Variants in CDC42BPB observed in about 807,000 individuals in gnomAD.
The protein encoded by CDC42BPB is CDC42 binding protein kinase beta.
CDC42BPB carries 37 observed loss-of-function variants against 214.9 expected under a neutral mutation model. That is an observed-to-expected ratio of 0.17 (90% CI 0.13 to 0.23). The LOEUF (loss-of-function observed/expected upper bound fraction) is 0.23. CDC42BPB is among the 10% of genes least tolerant of loss of function. The probability of loss-of-function intolerance (pLI) is 1.00; values close to 1 mark genes in which losing one functional copy is unlikely to be tolerated. For synonymous variants in CDC42BPB, 931 were observed against 884.0 expected (o/e 1.05, Z -0.94); for missense variants, 1,694 against 2,227.0 (o/e 0.76, Z 4.82).
intron 24 of CDC42BPB, 118 bp downstream of exon 24, chr14:102,952,380 G>A: frequency 1.6e-6 from 1 of 638,660 alleles, no homozygotes; most frequent in South Asian, 1.9e-5. Flanking sequence ...TCATGCCAAT[G>A]ACATTTCACT....
chr14:102,947,795 C>T lies in CDC42BPB; in HGVS notation c.3457G>A (p.Glu1153Lys), dbSNP rs539521711. 1.4e-5 allele frequency: 22 copies of T among 1,612,536 alleles called. No individual in the cohort carries two copies. In the African/African-American group the frequency reaches 1.5e-4, roughly 11 times the overall value. The change falls in exon 27 of 37, where the codon GAG becomes AAG. Residue 1153 changes from glutamate (E) to lysine (K), a missense_variant. Physicochemically the swap from Glu to Lys is moderately conservative, Grantham distance 56. Transcript: ENST00000361246. ...GCCAGGACTGAGCTCACGGAAAACT[C>T]GTCATCTCTGGTAAGGAAGAAACAT... Reference protein sequence around the residue: ...ASQVLDLRDDEFSVSSVLASD... With the variant: ...ASQVLDLRDDKFSVSSVLASD...
At chr14:102,970,774 G>A (rs1310744725) in intron 13 of CDC42BPB, among the ~76,000 whole-genome samples, 1 of 151,986 alleles carries the variant, frequency 6.6e-6, no homozygotes, top group Non-Finnish European at 1.5e-5. Context: ...CCTCATTAGG[G>A]GTATCACTAA....
At chr14:102,975,591 C>T in intron 11 of CDC42BPB, 93 bp downstream of exon 11, 5 of 1,321,754 alleles carry the variant, frequency 3.8e-6, no homozygotes, top group Admixed American at 2.0e-5. Flanking sequence ...TTTTTTTCTG[C>T]TTTCCCACTT....
Position 102,966,348 on chromosome 14 carries a change from A to G in CDC42BPB, c.2511T>C (p.Ala837=). ...DEKDARGYLQ[A]LASKMTEELE... is the part of the protein sequence containing the mutation. ...GCTCTTCGGTCATCTTGGAAGCAAGAGCTTGAAGGTAACCCCGGGCATCTT... is the reference window on the plus strand; with the variant it reads ...GCTCTTCGGTCATCTTGGAAGCAAGGGCTTGAAGGTAACCCCGGGCATCTT... Residue 837 remains alanine (A), a synonymous_variant, in exon 18 of 37, where the codon GCT becomes GCC. Coordinates refer to ENST00000361246, the MANE Select transcript of CDC42BPB (RefSeq NM_006035.4). 1.2e-6 allele frequency: 2 copies of G among 1,614,082 alleles called. No homozygotes were observed. The highest frequency in any genetic ancestry group is 1.7e-6 in the Non-Finnish European group (2 of 1,179,960).
chr14:103,041,629 C>T (rs1888002588), intron 1 of CDC42BPB: 12 of 725,094 alleles, frequency 1.7e-5, no homozygotes, highest in Middle Eastern at 3.8e-4. Context: ...GGGACCCATC[C>T]GGCCCATCGT....
At chr14:103,013,908 G>A (rs1886303298) in intron 1 of CDC42BPB, among the ~76,000 whole-genome samples, 1 of 152,200 alleles carries the variant, frequency 6.6e-6, no homozygotes, top group Non-Finnish European at 1.5e-5. Context: ...GCTCACACCT[G>A]TAATCCCGGC....
chr14:102,968,379 C>T (rs1015585009), intron 15 of CDC42BPB, 21 bp from the exon 16 acceptor site: 1 of 1,613,446 alleles, frequency 6.2e-7, no homozygotes, highest in African/African-American at 1.3e-5. Context: ...GAGCGAGAAA[C>T]AGTTTTAAAA....
chr14:102,945,626 G>A, intron 29 of CDC42BPB, 36 bp downstream of exon 29: 1 of 1,592,998 alleles, frequency 6.3e-7, no homozygotes, highest in Non-Finnish European at 8.6e-7. Flanking sequence ...GGCTGGGCCT[G>A]TGACATCCCA....
chr14:102,939,962 C>T lies in CDC42BPB; in HGVS notation c.4592-15G>A, dbSNP rs761695164. 5.0e-6 allele frequency: 8 copies of T among 1,613,620 alleles called. No individual in the cohort carries two copies. The highest frequency in any genetic ancestry group is 2.2e-5 in the East Asian group (1 of 44,882). On this transcript the variant is annotated splice_polypyrimidine_tract_variant and intron_variant, in intron 32 of 36. Coordinates refer to ENST00000361246, the MANE Select transcript of CDC42BPB (RefSeq NM_006035.4). ...GAGAACCGCTCCTGCAGAAGCAGAG[C>T]GCGCGGTGACGGTGCTGCGGCACCA...
intron 13 of CDC42BPB, among the ~76,000 whole-genome samples, chr14:102,971,263 T>C (rs1287103273): frequency 2.6e-5 from 4 of 152,216 alleles, no homozygotes; most frequent in Non-Finnish European, 4.4e-5. Flanking sequence ...TTTAAAGAAA[T>C]AGTTACTTTT....
intron 1 of CDC42BPB, among the ~76,000 whole-genome samples, chr14:103,044,345 G>A (rs962146172): frequency 6.7e-6 from 1 of 149,622 alleles, no homozygotes; most frequent in Non-Finnish European, 1.5e-5. Flanking sequence ...AACTACAGGT[G>A]CACACCAACA....
intron 1 of CDC42BPB, among the ~76,000 whole-genome samples, chr14:103,049,963 G>A (rs372651996): frequency 3.3e-5 from 5 of 152,086 alleles, no homozygotes; most frequent in African/African-American, 9.7e-5. Flanking sequence ...CACCCGTCTC[G>A]GCCTCCCAAA....
intron 36 of CDC42BPB, among the ~76,000 whole-genome samples, chr14:102,937,866 T>C (rs1452317850): frequency 6.6e-6 from 1 of 152,066 alleles, no homozygotes. Context: ...TGGGGCAGTG[T>C]GACAGCCCTG....
At chr14:103,024,674 T>C (rs1886951532) in intron 1 of CDC42BPB, among the ~76,000 whole-genome samples, 1 of 152,234 alleles carries the variant, frequency 6.6e-6, no homozygotes, top group South Asian at 2.1e-4. Flanking sequence ...TTTTATTCTC[T>C]TATACCCTAA....
chr14:102,985,812 A>G (rs557872535), intron 6 of CDC42BPB, among the ~76,000 whole-genome samples: 2 of 152,384 alleles, frequency 1.3e-5, no homozygotes, highest in Admixed American at 1.3e-4. Context: ...ACGCAGTGAA[A>G]GCAGTTTGCT....
intron 5 of CDC42BPB, among the ~76,000 whole-genome samples, chr14:102,996,782 A>C (rs1485228789): frequency 6.8e-6 from 1 of 146,882 alleles, no homozygotes; most frequent in Non-Finnish European, 1.5e-5. Context: ...ATTGTACTCC[A>C]GCCTAGGCAA....
intron 1 of CDC42BPB, 86 bp downstream of exon 1, chr14:103,056,913 G>T: frequency 1.0e-6 from 1 of 991,566 alleles, no homozygotes; most frequent in Non-Finnish European, 1.4e-6. Context: ...GGTCTGTCCG[G>T]GCGGGGATGG....
chr14:103,033,444 T>C (rs1260918972), intron 1 of CDC42BPB, among the ~76,000 whole-genome samples: 3 of 151,956 alleles, frequency 2.0e-5, no homozygotes, highest in African/African-American at 7.3e-5. Flanking sequence ...GGATGGTCTC[T>C]ATCTCCTGAC....
rs771520786 is a variant in CDC42BPB, at chr14:102,939,600, G to A, written c.4827+10C>T. The A allele has an allele frequency of 5.6e-6, 9 of 1,600,636 alleles. No homozygotes were observed. Among genetic ancestry groups the A allele is most frequent in the South Asian group, 5.5e-5 (5 of 90,856 alleles). On this transcript the variant is annotated intron_variant, in intron 34 of 36. Transcript: ENST00000361246. The stretch of plus-strand genomic sequence containing the variant: ...GTGCCCTGCCCGCCCTATCCCGGCC[G>A]TGCACGCACCAGAGGCAGGTCCATG...
Sources: gnomAD v4.1 joint callset for allele counts (sites outside exome capture counted in the v4.1 genomes callset) on GRCh38, gnomAD v4.1.1 for gene constraint, MANE v1.5 for transcripts, NCBI Gene and HGNC (gene_info 2026-07-23, HGNC 2026-07-21) for gene names.